Variants in SMARCA2 observed in about 807,000 individuals in gnomAD.
The protein encoded by SMARCA2 is SWI/SNF-related matrix-associated actin-dependent regulator of chromatin subfamily A member 2.
SMARCA2 carries 61 observed loss-of-function variants against 199.8 expected under a neutral mutation model. The ratio of observed to expected loss-of-function variants is 0.31; its 90% CI spans 0.25 to 0.38. The LOEUF is 0.38. Among genes scored for constraint, SMARCA2 ranks in the 10% least tolerant of loss-of-function variants. SMARCA2 has a pLI of 1.00. For synonymous variants in SMARCA2, 935 were observed against 732.0 expected (o/e 1.28, Z -4.48); for missense variants, 1,344 against 2,012.2 (o/e 0.67, Z 6.35).
intron 27 of SMARCA2, chr9:2,160,660 GGATT>G (rs148894349): frequency 0.067 from 46,469 of 698,512 alleles, 1,914 homozygotes; most frequent in Non-Finnish European, 0.084. Context: ...CTACGAGAAA[GGATT>G]GATTATCATT....
chr9:2,110,183 C>A lies in SMARCA2; in HGVS notation c.3293-71C>A. ...GGGTATATTTCTTGAAGGAAGCAAG[C>A]CTTTTTGTCTCATTCTGTGCCATTT... On this transcript the variant is annotated intron_variant, in intron 23 of 33. Transcript: ENST00000349721. This position sits in a 1 kb window ranked among gnomAD's most constrained non-coding sequence, Gnocchi z 4.8. 15 of 1,253,610 alleles carry A rather than the reference C, an allele frequency of 1.2e-5. No homozygotes were observed. The highest frequency in any genetic ancestry group is 1.7e-5 in the Non-Finnish European group (15 of 901,350). 77.7% of individuals were successfully genotyped at this position (1,253,610 alleles called of 1,614,324 possible). A position where few individuals can be genotyped will look rare whatever the true frequency, so the allele number is the denominator to read the frequency against.
intron 24 of SMARCA2, among the ~76,000 whole-genome samples, chr9:2,112,531 G>C (rs920445743): frequency 4.0e-5 from 6 of 151,140 alleles, no homozygotes; most frequent in African/African-American, 1.2e-4. Context: ...TTGAACTCTA[G>C]AATCAAAGTA....
chr9:2,049,149 T>C (rs1820010809), intron 5 of SMARCA2, among the ~76,000 whole-genome samples: 1 of 152,222 alleles, frequency 6.6e-6, no homozygotes, highest in African/African-American at 2.4e-5. Context: ...ATGCTTTCTA[T>C]AGCTAGAAAT....
At position 2,088,433 on chromosome 9, in the gene SMARCA2, T is replaced by C. The variant is rs1289561579; in HGVS notation, c.2770-67T>C. On this transcript the variant is annotated intron_variant, in intron 18 of 33. Transcript: ENST00000349721. ...TGTATTGAACCACACATATGTAACA[T>C]AAAGCTTTATTGTATGAAACATCCT... 4.6e-6 allele frequency: 7 copies of C among 1,515,706 alleles called. No homozygotes were observed. The East Asian group carries it at 1.6e-4, about 36-fold the overall frequency. 93.9% of individuals were successfully genotyped at this position (1,515,706 alleles called of 1,614,324 possible). A position where few individuals can be genotyped will look rare whatever the true frequency, so the allele number is the denominator to read the frequency against.
intron 27 of SMARCA2, among the ~76,000 whole-genome samples, chr9:2,137,451 G>C (rs1255928891): frequency 6.6e-6 from 1 of 152,060 alleles, no homozygotes; most frequent in Non-Finnish European, 1.5e-5. Flanking sequence ...CTGGGTGGCT[G>C]CTCCACTGAA....
intron 7 of SMARCA2, 31 bp from the exon 8 acceptor site, chr9:2,058,260 T>G (rs1302988324): frequency 2.5e-6 from 4 of 1,598,876 alleles, no homozygotes; most frequent in Non-Finnish European, 3.4e-6. Context: ...GGATTTTAAG[T>G]ATCCTTTTCT....
chr9:2,179,100 T>C (rs1448658394), intron 29 of SMARCA2, among the ~76,000 whole-genome samples: 2 of 152,178 alleles, frequency 1.3e-5, no homozygotes, highest in East Asian at 3.9e-4. Flanking sequence ...CAGAGAACTT[T>C]CCAGCTATGG....
At chr9:2,164,078 T>C (rs951517101) in intron 28 of SMARCA2, among the ~76,000 whole-genome samples, 1 of 152,192 alleles carries the variant, frequency 6.6e-6, no homozygotes, top group African/African-American at 2.4e-5. Flanking sequence ...CATCGCGCTC[T>C]AGGTTGTCAC....
intron 8 of SMARCA2, among the ~76,000 whole-genome samples, chr9:2,059,875 A>T (rs944108822): frequency 1.3e-5 from 2 of 152,108 alleles, no homozygotes; most frequent in Non-Finnish European, 2.9e-5. Context: ...TGCTCCTTTT[A>T]TCGTGGCATT....
At chr9:2,024,193 T>A (rs553321567) in intron 1 of SMARCA2, among the ~76,000 whole-genome samples, 3 of 152,262 alleles carry the variant, frequency 2.0e-5, no homozygotes, top group Admixed American at 6.5e-5. Context: ...TCTAGGGAAC[T>A]TTTTTTCTTT....
intron 27 of SMARCA2, among the ~76,000 whole-genome samples, chr9:2,152,043 G>C (rs1329118612): frequency 6.6e-6 from 1 of 151,668 alleles, no homozygotes; most frequent in Non-Finnish European, 1.5e-5. Context: ...GAGACTATAG[G>C]AGGACTTTTG....
chr9:2,021,202 G>A (rs546240318), intron 1 of SMARCA2, among the ~76,000 whole-genome samples: 20 of 152,074 alleles, frequency 1.3e-4, no homozygotes, highest in Non-Finnish European at 2.8e-4. Context: ...ATTTAAATAT[G>A]GGCTGGCCCT....
rs1268574867 is a variant in SMARCA2 at position 2,193,426 on chromosome 9, G to C, written c.*687G>C. On this transcript the variant is annotated 3_prime_UTR_variant, in exon 34 of 34. Coordinates refer to ENST00000349721, the MANE Select transcript of SMARCA2 (RefSeq NM_003070.5). The stretch of plus-strand genomic sequence containing the variant: ...ATATTGCAATCTATATAGTGTATTG[G>C]ATGGCTTCTTTTGTCACCCTGATCT... 6.6e-6 allele frequency: 1 copy of C among 152,586 alleles called. No individual in the cohort carries two copies. The highest frequency in any genetic ancestry group is 1.5e-5 in the Non-Finnish European group (1 of 68,028). The allele number at this position is 152,586 out of a possible 1,614,324, so 9.5% of individuals were successfully genotyped here. A position where few individuals can be genotyped will look rare whatever the true frequency, so the allele number is the denominator to read the frequency against.
intron 20 of SMARCA2, chr9:2,097,155 A>G (rs1017770316): frequency 1.4e-5 from 7 of 512,728 alleles, no homozygotes; most frequent in Middle Eastern, 5.1e-4. Context: ...CTCACTGGAC[A>G]TAATCCTTCA....
Position 2,110,185 on chromosome 9 carries a change from T to C in SMARCA2, c.3293-69T>C. On this transcript the variant is annotated intron_variant, in intron 23 of 33. Transcript: ENST00000349721. The surrounding 1 kb of genome is among the most constrained non-coding windows in gnomAD (Gnocchi z 4.8). Reference sequence around the variant, plus strand: ...GTATATTTCTTGAAGGAAGCAAGCCTTTTTGTCTCATTCTGTGCCATTTTC... The same window carrying C: ...GTATATTTCTTGAAGGAAGCAAGCCCTTTTGTCTCATTCTGTGCCATTTTC... The C allele has an allele frequency of 7.7e-7, 1 of 1,306,900 alleles. No homozygotes were observed. Among genetic ancestry groups the C allele is most frequent in the Non-Finnish European group, 1.1e-6 (1 of 947,910 alleles). 81.0% of individuals were successfully genotyped at this position (1,306,900 alleles called of 1,614,324 possible).
intron 12 of SMARCA2, among the ~76,000 whole-genome samples, chr9:2,074,540 T>A (rs1055916877): frequency 2.0e-5 from 3 of 152,106 alleles, no homozygotes; most frequent in African/African-American, 7.2e-5. Context: ...GAAAGAATAA[T>A]AAAAGTTACA....
Position 2,123,628 on chromosome 9 carries a change from A to T in SMARCA2, c.3763-91A>T. 9.1e-7 allele frequency: 1 copy of T among 1,104,278 alleles called. No individual in the cohort carries two copies. Among genetic ancestry groups the T allele is most frequent in the East Asian group, 2.5e-5 (1 of 40,762 alleles). 68.4% of individuals were successfully genotyped at this position (1,104,278 alleles called of 1,614,324 possible). ...AGGTTGAAAGGGACCCTGCAGCCATAGGAAGTGACTTGGGGAAGTTGTGTA... is the reference window on the plus strand; with the variant it reads ...AGGTTGAAAGGGACCCTGCAGCCATTGGAAGTGACTTGGGGAAGTTGTGTA... On this transcript the variant is annotated intron_variant, in intron 26 of 33. Transcript: ENST00000349721. The surrounding 1 kb of genome is among the most constrained non-coding windows in gnomAD (Gnocchi z 4.1).
chr9:2,191,761 A>G (rs1157201706), intron 33 of SMARCA2: 5 of 169,946 alleles, frequency 2.9e-5, no homozygotes, highest in African/African-American at 1.2e-4. Context: ...GGTACATAAC[A>G]GTAGATTAGA....
At position 2,047,353 on chromosome 9, in the gene SMARCA2, C is replaced by T. The variant is rs981565985; in HGVS notation, c.915C>T (p.Pro305=). 6 of 1,468,320 alleles carry T rather than the reference C, an allele frequency of 4.1e-6. No individual in the cohort carries two copies. The highest frequency in any genetic ancestry group is 5.4e-6 in the Non-Finnish European group (6 of 1,103,630). The allele number at this position is 1,468,320 out of a possible 1,614,324, so 91.0% of individuals were successfully genotyped here. A position where few individuals can be genotyped will look rare whatever the true frequency, so the allele number is the denominator to read the frequency against. ...AQPPAAAVPG[P]SVPQPAPGQP... is the part of the protein sequence containing the mutation. ...CGCCCGCGGCCGCAGTGCCCGGGCC[C>T]TCAGTGCCGCAGCCGGCCCCGGGGC... Residue 305 remains proline (P), a synonymous_variant, in exon 5 of 34, where the codon CCC becomes CCT. Coordinates refer to ENST00000349721, the MANE Select transcript of SMARCA2 (RefSeq NM_003070.5).
Sources: allele counts gnomAD v4.1 joint callset (sites outside exome capture counted in the v4.1 genomes callset), GRCh38; gene constraint gnomAD v4.1.1; non-coding constraint Gnocchi (gnomAD v3.1); transcripts MANE v1.5; gene names NCBI Gene and HGNC (gene_info 2026-07-23, HGNC 2026-07-21).